The following SLC24A4 variants were observed in gnomAD, a reference collection of about 807,000 sequenced individuals.
The protein encoded by SLC24A4 is solute carrier family 24 member 4.
Under a neutral mutation model 79.0 loss-of-function variants are expected in SLC24A4, and 53 were observed. That is an observed-to-expected ratio of 0.67 (90% CI 0.54 to 0.84). The LOEUF (loss-of-function observed/expected upper bound fraction) is 0.84. Ranked by LOEUF, SLC24A4 falls within the 40% of genes least tolerant of loss-of-function variation. The pLI is 0.00. For synonymous variants in SLC24A4, 323 were observed against 323.8 expected, an observed-to-expected ratio of 1.00 and a Z score of 0.03; for missense variants, 731 against 822.0, an observed-to-expected ratio of 0.89 and a Z score of 1.35.
rs1322245193 is a variant in SLC24A4 at position 92,499,071 on chromosome 14, C to T, written c.*5443C>T. ...GTTATTTTATGGGGGTTTTAAACCT[C>T]CTAACTTTTCAATGACAAATGGCTC... is the stretch of plus-strand genomic sequence containing the variant. On this transcript the variant is annotated 3_prime_UTR_variant, in exon 17 of 17. Coordinates refer to ENST00000532405, the MANE Select transcript of SLC24A4 (RefSeq NM_153646.4). 6.6e-6 allele frequency: 1 copy of T among 152,172 alleles called. No homozygotes were observed. The highest frequency in any genetic ancestry group is 2.4e-5 in the African/African-American group (1 of 41,436). The allele number at this position is 152,172 out of a possible 1,614,324, so 9.4% of individuals were successfully genotyped here.
chr14:92,417,239 C>T (rs1891029930), intron 2 of SLC24A4, among the ~76,000 whole-genome samples: 1 of 152,190 alleles, frequency 6.6e-6, no homozygotes, highest in Non-Finnish European at 1.5e-5. Context: ...TGAAGAGTCC[C>T]TATCACCTAG....
intron 2 of SLC24A4, among the ~76,000 whole-genome samples, chr14:92,400,554 G>T (rs1334710055): frequency 6.6e-6 from 1 of 151,942 alleles, no homozygotes; most frequent in Non-Finnish European, 1.5e-5. Context: ...GGACACAGTC[G>T]CCTTCTTTGG....
intron 2 of SLC24A4, among the ~76,000 whole-genome samples, chr14:92,328,779 A>G (rs1885299351): frequency 6.6e-6 from 1 of 152,242 alleles, no homozygotes; most frequent in Admixed American, 6.5e-5. Flanking sequence ...TGATCTGGCC[A>G]AGGGAGTGCT....
chr14:92,434,042 G>A (rs996175135), intron 3 of SLC24A4, 54 bp downstream of exon 3: 1 of 1,359,798 alleles, frequency 7.4e-7, no homozygotes, highest in Non-Finnish European at 1.1e-6. Flanking sequence ...AAGCCTCTCT[G>A]CACAGCGGGG....
chr14:92,439,493 G>A, intron 4 of SLC24A4, 84 bp downstream of exon 4: 1 of 1,259,606 alleles, frequency 7.9e-7, no homozygotes, highest in South Asian at 1.2e-5. Context: ...GCCAGGGCTG[G>A]CGTGGGGAGC....
intron 12 of SLC24A4, among the ~76,000 whole-genome samples, chr14:92,459,621 CCTT>C (rs1287722713): frequency 2.0e-5 from 3 of 152,146 alleles, no homozygotes; most frequent in Non-Finnish European, 4.4e-5. Flanking sequence ...GGGGAAACCT[CCTT>C]TGTGCGTCTG....
At chr14:92,431,445 CCAAGTTGTTGCTGTCAGTGA>C (rs1891865658) in intron 2 of SLC24A4, among the ~76,000 whole-genome samples, 1 of 152,192 alleles carries the variant, frequency 6.6e-6, no homozygotes, top group African/African-American at 2.4e-5. Flanking sequence ...ATCTGCAGTT[CCAAGTTGTTGCTGTCAGTGA>C]CAAGGGTGGG....
At chr14:92,488,810 C>T (rs1176069080) in intron 14 of SLC24A4, among the ~76,000 whole-genome samples, 2 of 152,180 alleles carry the variant, frequency 1.3e-5, no homozygotes, top group Admixed American at 1.3e-4. Flanking sequence ...CATCCCTAGC[C>T]AGAGTCAGCT....
intron 2 of SLC24A4, among the ~76,000 whole-genome samples, chr14:92,374,298 G>A (rs375333895): frequency 1.6e-4 from 24 of 152,210 alleles, no homozygotes; most frequent in Admixed American, 9.2e-4. Context: ...CCACTCATTC[G>A]AGAAGACCAA....
chr14:92,361,547 A>T (rs1887524056), intron 2 of SLC24A4, among the ~76,000 whole-genome samples: 1 of 152,190 alleles, frequency 6.6e-6, no homozygotes, highest in African/African-American at 2.4e-5. Flanking sequence ...GCCTGACTAG[A>T]TTTGTTCCAC....
At position 92,500,462 on chromosome 14, in the gene SLC24A4, C is replaced by T. The variant is rs1896118453; in HGVS notation, c.*6834C>T. 1 of 152,258 alleles carries T rather than the reference C, an allele frequency of 6.6e-6. No individual in the cohort carries two copies. Among genetic ancestry groups the T allele is most frequent in the South Asian group, 2.1e-4 (1 of 4,838 alleles). 9.4% of individuals were successfully genotyped at this position (152,258 alleles called of 1,614,324 possible). ...GGAAGAAGAGAGGACTTTTCCCCTC[C>T]TGAAAAATGACTGGAGTGTGAACAA... On this transcript the variant is annotated 3_prime_UTR_variant, in exon 17 of 17. Coordinates refer to ENST00000532405, the MANE Select transcript of SLC24A4 (RefSeq NM_153646.4).
chr14:92,482,580 T>C, intron 12 of SLC24A4, 100 bp from the exon 13 acceptor site: 1 of 1,193,438 alleles, frequency 8.4e-7, no homozygotes, highest in Non-Finnish European at 1.2e-6. Flanking sequence ...TGGCATTCTC[T>C]TATTTAGCTT....
At chr14:92,372,247 G>T (rs997776733) in intron 2 of SLC24A4, among the ~76,000 whole-genome samples, 2 of 152,046 alleles carry the variant, frequency 1.3e-5, no homozygotes, top group African/African-American at 4.8e-5. Context: ...CTGGGACCTG[G>T]GTCTCAGAGC....
Position 92,495,788 on chromosome 14 carries a change from C to T in SLC24A4, c.*2160C>T, listed in dbSNP as rs1411377275. On this transcript the variant is annotated 3_prime_UTR_variant, in exon 17 of 17. Transcript: ENST00000532405. Reference sequence around the variant, plus strand: ...CAGGCCAGCCTCTGTAAGTTGGCCACACTTGGGGAGTGAGTGTGGGTATGA... The same window carrying T: ...CAGGCCAGCCTCTGTAAGTTGGCCATACTTGGGGAGTGAGTGTGGGTATGA... 1.3e-5 allele frequency: 2 copies of T among 152,226 alleles called. No homozygotes were observed. Among genetic ancestry groups the T allele is most frequent in the East Asian group, 3.9e-4 (2 of 5,194 alleles). 9.4% of individuals were successfully genotyped at this position (152,226 alleles called of 1,614,324 possible). A position where few individuals can be genotyped will look rare whatever the true frequency, so the allele number is the denominator to read the frequency against.
chr14:92,374,062 AC>A (rs1229203078), intron 2 of SLC24A4, among the ~76,000 whole-genome samples: 1 of 152,230 alleles, frequency 6.6e-6, no homozygotes, highest in Non-Finnish European at 1.5e-5. Flanking sequence ...CTATTATTGC[AC>A]CCGTTTACCT....
chr14:92,425,987 A>G (rs1891541702), intron 2 of SLC24A4, among the ~76,000 whole-genome samples: 1 of 152,088 alleles, frequency 6.6e-6, no homozygotes, highest in African/African-American at 2.4e-5. Context: ...TGTTTCAATC[A>G]ATCAATCAAT....
rs377654077 is a variant in SLC24A4, at chr14:92,342,363, C to CATTAATTAATTT, written c.241+16388_241+16389insAATTAATTTATT. The stretch of plus-strand genomic sequence containing the variant: ...GCTCCCAGATTCTTCTTTTTTTCCC[C>CATTAATTAATTT]ATTTATTTATTTATTTATTTATTTA... On this transcript the variant is annotated intron_variant, in intron 2 of 16. Transcript: ENST00000532405. Among the ~76,000 whole-genome samples, 417 of 137,924 alleles carry CATTAATTAATTT rather than the reference C, an allele frequency of 3.0e-3. 4 individuals carry two copies. Among genetic ancestry groups the CATTAATTAATTT allele is most frequent in the East Asian group, 0.02 (93 of 4,746 alleles). The allele number at this position is 137,924 out of a possible 152,430, so 90.5% of individuals were successfully genotyped here. A position where few individuals can be genotyped will look rare whatever the true frequency, so the allele number is the denominator to read the frequency against.
chr14:92,488,117 G>A (rs1895479193), intron 14 of SLC24A4, among the ~76,000 whole-genome samples: 1 of 148,580 alleles, frequency 6.7e-6, no homozygotes, highest in African/African-American at 2.5e-5. Flanking sequence ...TGTCACCCAG[G>A]CTGGAGTACA....
At chr14:92,423,730 G>A (rs904508191) in intron 2 of SLC24A4, among the ~76,000 whole-genome samples, 5 of 152,196 alleles carry the variant, frequency 3.3e-5, no homozygotes, top group Non-Finnish European at 5.9e-5. Context: ...CAAGGGAGCC[G>A]GGAGGCTTCA....
Sources: gnomAD v4.1 joint callset for allele counts (sites outside exome capture counted in the v4.1 genomes callset) on GRCh38, gnomAD v4.1.1 for gene constraint, MANE v1.5 for transcripts, NCBI Gene and HGNC (gene_info 2026-07-23, HGNC 2026-07-21) for gene names.